TBC1D32: variants seen among roughly 807,000 people sequenced by gnomAD.
The protein encoded by TBC1D32 is TBC1 domain family member 32.
In TBC1D32, 151 loss-of-function variants were observed where a neutral mutation model predicts 170.3. The ratio of observed to expected loss-of-function variants is 0.89; its 90% CI spans 0.78 to 1.01. The LOEUF (loss-of-function observed/expected upper bound fraction) is 1.01, where lower values mean the gene tolerates loss of function less well. Ranked by LOEUF, TBC1D32 falls within the 50% of genes least tolerant of loss-of-function variation. The pLI, the probability that TBC1D32 is intolerant of heterozygous loss-of-function variation, is 0.00. For synonymous variants in TBC1D32, 498 were observed against 488.0 expected, an observed-to-expected ratio of 1.02 and a Z score of -0.27; for missense variants, 1,464 against 1,457.1, an observed-to-expected ratio of 1.00 and a Z score of -0.08.
At chr6:121,180,563 G>A (rs1045960121) in intron 22 of TBC1D32, among the ~76,000 whole-genome samples, 10 of 152,106 alleles carry the variant, frequency 6.6e-5, no homozygotes, top group African/African-American at 2.4e-4. Flanking sequence ...AATGAAACTA[G>A]ATCTTTCACC....
At chr6:121,268,844 G>A (rs1322661827) in intron 15 of TBC1D32, among the ~76,000 whole-genome samples, 1 of 152,134 alleles carries the variant, frequency 6.6e-6, no homozygotes, top group African/African-American at 2.4e-5. Flanking sequence ...GGAAAAAAAT[G>A]TTAAGGGCAG....
In TBC1D32 at chr6:121,175,991, G is replaced by A. The variant is rs373632318; in HGVS notation, c.2571-14935C>T. Among the ~76,000 whole-genome samples the A allele has an allele frequency of 9.2e-5, 14 of 152,154 alleles. No individual in the cohort carries two copies. The East Asian group carries it at 1.7e-3, about 19-fold the overall frequency. Reference sequence around the variant, plus strand: ...AACACTGGTTGAATACCTACTAAGTGCCTACTACTGTTTTAAATGTTGGCA... The same window carrying A: ...AACACTGGTTGAATACCTACTAAGTACCTACTACTGTTTTAAATGTTGGCA... On this transcript the variant is annotated intron_variant, in intron 22 of 31. Transcript: ENST00000398212.
chr6:121,105,183 A>G (rs1207478869), intron 30 of TBC1D32, among the ~76,000 whole-genome samples: 1 of 151,940 alleles, frequency 6.6e-6, no homozygotes, highest in Non-Finnish European at 1.5e-5. Context: ...AAACTTACTA[A>G]TGTTCAAAGA....
At chr6:121,131,512 T>C (rs1429680361) in intron 25 of TBC1D32, 115 bp downstream of exon 25, 1 of 1,126,928 alleles carries the variant, frequency 8.9e-7, no homozygotes, top group Non-Finnish European at 1.2e-6. Context: ...TCAGCAAACT[T>C]CTGGATTTAG....
Position 121,099,572 on chromosome 6 carries a change from G to A in TBC1D32, c.3465+6451C>T, listed in dbSNP as rs567980535. 2.0e-5 allele frequency among the ~76,000 whole-genome samples: 3 copies of A among 151,936 alleles called. No individual in the cohort carries two copies. The South Asian group carries it at 6.2e-4, about 31-fold the overall frequency. On this transcript the variant is annotated intron_variant, in intron 30 of 31. Coordinates refer to ENST00000398212, the MANE Select transcript of TBC1D32 (RefSeq NM_152730.6). ...GCCTAAAAATACACAACTTCAAAAA[G>A]CACTGCTTCTAATTAGATCAAAATG... is the stretch of plus-strand genomic sequence containing the variant.
intron 15 of TBC1D32, among the ~76,000 whole-genome samples, chr6:121,275,867 G>A (rs574820718): frequency 3.9e-5 from 6 of 152,114 alleles, no homozygotes; most frequent in Non-Finnish European, 7.4e-5. Context: ...GCTGACACCT[G>A]TAATCCCAGC....
intron 31 of TBC1D32, among the ~76,000 whole-genome samples, chr6:121,084,635 T>C (rs1775997833): frequency 6.6e-6 from 1 of 152,116 alleles, no homozygotes; most frequent in Non-Finnish European, 1.5e-5. Context: ...GCTATACCAA[T>C]ACCTTGAAAA....
In TBC1D32 at chr6:121,126,305, T is replaced by C. The variant is rs530561293; in HGVS notation, c.2983+73A>G. 26 of 1,115,212 alleles carry C rather than the reference T, an allele frequency of 2.3e-5. No homozygotes were observed. The Middle Eastern group carries it at 6.7e-4, about 29-fold the overall frequency. 69.1% of individuals were successfully genotyped at this position (1,115,212 alleles called of 1,614,324 possible). A position where few individuals can be genotyped will look rare whatever the true frequency, so the allele number is the denominator to read the frequency against. On this transcript the variant is annotated intron_variant, in intron 26 of 31. Transcript: ENST00000398212. ...ATGAGAAAACTGCCTATCTGTAATA[T>C]CATTACACATCTCCATTAATTATCT...
chr6:121,297,474 T>G (rs974914161), intron 10 of TBC1D32, among the ~76,000 whole-genome samples: 1 of 152,060 alleles, frequency 6.6e-6, no homozygotes, highest in Non-Finnish European at 1.5e-5. Context: ...TAAAACCATT[T>G]CAGAAACCAT....
At chr6:121,243,013 T>A (rs1041872975) in intron 17 of TBC1D32, among the ~76,000 whole-genome samples, 1 of 151,822 alleles carries the variant, frequency 6.6e-6, no homozygotes, top group South Asian at 2.1e-4. Flanking sequence ...TATAAATATA[T>A]ACATTAATGT....
At position 121,258,458 on chromosome 6, in the gene TBC1D32, T is replaced by A. The variant is rs373623153; in HGVS notation, c.1734-2173A>T. 1.4e-4 allele frequency among the ~76,000 whole-genome samples: 21 copies of A among 152,242 alleles called. No individual in the cohort carries two copies. In the East Asian group the frequency reaches 2.3e-3, roughly 17 times the overall value. Reference sequence around the variant, plus strand: ...TTTTTTTTTTCTGTTTTTTGTTTTTTGTTTTACATTTAGTATGTAAACAGC... The same window carrying A: ...TTTTTTTTTTCTGTTTTTTGTTTTTAGTTTTACATTTAGTATGTAAACAGC... On this transcript the variant is annotated intron_variant, in intron 15 of 31. Transcript: ENST00000398212.
At position 121,112,501 on chromosome 6, in the gene TBC1D32, T is replaced by C; in HGVS notation, c.3324+4A>G. 6.3e-7 allele frequency: 1 copy of C among 1,599,782 alleles called. No homozygotes were observed. Among genetic ancestry groups the C allele is most frequent in the Non-Finnish European group, 8.5e-7 (1 of 1,172,814 alleles). Reference sequence around the variant, plus strand: ...CCTCCTTTAAAAACAGATTGAAGTCTTACAGAAATATGTAGCCTTGGCAAC... The same window carrying C: ...CCTCCTTTAAAAACAGATTGAAGTCCTACAGAAATATGTAGCCTTGGCAAC... On this transcript the variant is annotated splice_donor_region_variant and intron_variant, in intron 29 of 31. Transcript: ENST00000398212.
At chr6:121,257,042 G>A (rs895009567) in intron 15 of TBC1D32, among the ~76,000 whole-genome samples, 2 of 152,106 alleles carry the variant, frequency 1.3e-5, no homozygotes, top group Admixed American at 6.6e-5. Flanking sequence ...CAAGTTCAAT[G>A]GTGCGCATTA....
chr6:121,334,550 C>G (rs1034902811), upstream of TBC1D32: 18 of 1,239,474 alleles, frequency 1.5e-5, no homozygotes, highest in Admixed American at 2.0e-4. Flanking sequence ...CCCAGGGATA[C>G]CGCGGCGAGC....
chr6:121,300,047 T>A (rs1021052471), intron 9 of TBC1D32, among the ~76,000 whole-genome samples: 1 of 152,184 alleles, frequency 6.6e-6, no homozygotes, highest in African/African-American at 2.4e-5. Context: ...AACATGTAAA[T>A]GCATAGCATT....
chr6:121,252,887 G>A (rs1798476209), intron 17 of TBC1D32, among the ~76,000 whole-genome samples: 1 of 152,052 alleles, frequency 6.6e-6, no homozygotes, highest in Non-Finnish European at 1.5e-5. Flanking sequence ...AATGGTGCTG[G>A]GAAAACTGGC....
chr6:121,328,629 T>C (rs1455046661), intron 1 of TBC1D32, among the ~76,000 whole-genome samples: 1 of 152,170 alleles, frequency 6.6e-6, no homozygotes, highest in Admixed American at 6.5e-5. Context: ...AACAAGTTTA[T>C]AATTGCTATA....
intron 15 of TBC1D32, among the ~76,000 whole-genome samples, chr6:121,257,541 T>C (rs1261214276): frequency 1.3e-5 from 2 of 152,206 alleles, no homozygotes; most frequent in Non-Finnish European, 2.9e-5. Context: ...GAAGAACTTT[T>C]CCTCAGTAAC....
chr6:121,123,692 T>C (rs911394823), intron 26 of TBC1D32, among the ~76,000 whole-genome samples: 2 of 152,118 alleles, frequency 1.3e-5, no homozygotes, highest in Non-Finnish European at 2.9e-5. Context: ...TTCAGCCATT[T>C]TGTATCTTTC....
Sources: gnomAD v4.1 joint callset for allele counts (sites outside exome capture counted in the v4.1 genomes callset) on GRCh38, gnomAD v4.1.1 for gene constraint, MANE v1.5 for transcripts, NCBI Gene and HGNC (gene_info 2026-07-23, HGNC 2026-07-21) for gene names.